Variants in PKNOX2 observed in about 807,000 individuals in gnomAD.
PKNOX2 encodes the protein PBX/knotted 1 homeobox 2, also known as homeobox protein PKNOX2.
A neutral mutation model predicts 53.1 loss-of-function variants in PKNOX2; 14 were observed. The ratio of observed to expected loss-of-function variants is 0.26; its 90% CI spans 0.17 to 0.41. PKNOX2 has a LOEUF of 0.41. Ranked by LOEUF, PKNOX2 falls within the 10% of genes least tolerant of loss-of-function variation. The probability of loss-of-function intolerance (pLI) is 1.00; values close to 1 mark genes in which losing one functional copy is unlikely to be tolerated. For missense variants in PKNOX2, 496 were observed against 602.8 expected, an observed-to-expected ratio of 0.82 and a Z score of 1.85; for synonymous variants, 257 against 242.8, an observed-to-expected ratio of 1.06 and a Z score of -0.54.
intron 2 of PKNOX2, among the ~76,000 whole-genome samples, chr11:125,300,964 G>A (rs545821640): frequency 3.3e-5 from 5 of 152,316 alleles, no homozygotes; most frequent in African/African-American, 7.2e-5. Flanking sequence ...AAGCTCTAGC[G>A]AGATTGCAGT....
intron 1 of PKNOX2, among the ~76,000 whole-genome samples, chr11:125,206,133 G>T (rs964374433): frequency 1.3e-5 from 2 of 151,962 alleles, no homozygotes; most frequent in African/African-American, 4.8e-5. Flanking sequence ...CTCTGCAGGC[G>T]CACAGACAAA....
rs778877733 is a variant in PKNOX2, at chr11:125,396,579, TTA to T, written c.400-1294_400-1293del. Among the ~76,000 whole-genome samples, 195 of 123,874 alleles carry T rather than the reference TTA, an allele frequency of 1.6e-3. 3 individuals carry two copies. Among genetic ancestry groups the T allele is most frequent in the African/African-American group, 3.6e-3 (100 of 27,714 alleles). The allele number at this position is 123,874 out of a possible 152,430, so 81.3% of individuals were successfully genotyped here. A position where few individuals can be genotyped will look rare whatever the true frequency, so the allele number is the denominator to read the frequency against. ...ATCCTAAAGAATAATGCAGAAACTT[TTA>T]AAAAAAAAAAAAAAAAGCTATAAGC... On this transcript the variant is annotated intron_variant, in intron 6 of 12. Transcript: ENST00000298282.
chr11:125,410,112 G>C (rs539581007), intron 7 of PKNOX2, 84 bp from the exon 8 acceptor site: 2 of 1,518,294 alleles, frequency 1.3e-6, no homozygotes, highest in South Asian at 2.6e-5. Flanking sequence ...AGGCAGGAAG[G>C]GGAAAGGACG....
chr11:125,198,312 T>A (rs986650584), intron 1 of PKNOX2, among the ~76,000 whole-genome samples: 8 of 152,142 alleles, frequency 5.3e-5, no homozygotes, highest in African/African-American at 1.9e-4. Context: ...GTTGCTCCCA[T>A]CCGCTTTTTG....
intron 2 of PKNOX2, among the ~76,000 whole-genome samples, chr11:125,299,019 T>C (rs905774225): frequency 2.6e-5 from 4 of 152,076 alleles, no homozygotes; most frequent in African/African-American, 9.7e-5. Flanking sequence ...CTGCAGGCTG[T>C]ACAAGCATGG....
chr11:125,328,630 A>G (rs1949973708), intron 2 of PKNOX2, among the ~76,000 whole-genome samples: 2 of 152,112 alleles, frequency 1.3e-5, no homozygotes, highest in South Asian at 4.1e-4. Context: ...GGCCCACCCC[A>G]CCACTCAGGG....
intron 4 of PKNOX2, among the ~76,000 whole-genome samples, chr11:125,353,290 A>G (rs1187883684): frequency 6.6e-6 from 1 of 152,162 alleles, no homozygotes; most frequent in African/African-American, 2.4e-5. Context: ...TGTTGGCATG[A>G]CTGATGGTGG....
intron 10 of PKNOX2, among the ~76,000 whole-genome samples, chr11:125,412,134 G>A (rs765330148): frequency 6.6e-6 from 1 of 152,248 alleles, no homozygotes; most frequent in Non-Finnish European, 1.5e-5. Flanking sequence ...GCATGCTCAA[G>A]AGTCAAGTGC....
At chr11:125,424,173 G>T (rs1450087692) in intron 10 of PKNOX2, among the ~76,000 whole-genome samples, 2 of 151,980 alleles carry the variant, frequency 1.3e-5, no homozygotes, top group Admixed American at 1.3e-4. Context: ...TTTTTGACCT[G>T]GGGGTGGTTA....
intron 2 of PKNOX2, among the ~76,000 whole-genome samples, chr11:125,327,659 G>A (rs1462352379): frequency 6.6e-6 from 1 of 152,172 alleles, no homozygotes; most frequent in East Asian, 1.9e-4. Flanking sequence ...CGGCCATCAG[G>A]GGTCTCCTCC....
intron 4 of PKNOX2, among the ~76,000 whole-genome samples, chr11:125,363,803 T>C (rs1339797252): frequency 2.0e-5 from 3 of 150,492 alleles, no homozygotes; most frequent in South Asian, 2.1e-4. Context: ...GGGGAAAAAC[T>C]GAAATTAGAG....
chr11:125,335,983 A>T (rs748425555), intron 3 of PKNOX2, among the ~76,000 whole-genome samples: 4 of 152,216 alleles, frequency 2.6e-5, no homozygotes, highest in Non-Finnish European at 5.9e-5. Flanking sequence ...TTATTATAAC[A>T]CAGTTAAATG....
chr11:125,406,892 C>T (rs1224042065), intron 7 of PKNOX2, among the ~76,000 whole-genome samples: 1 of 127,270 alleles, frequency 7.9e-6, no homozygotes, highest in Non-Finnish European at 1.6e-5. Context: ...AGGGTCTTGA[C>T]CCAGTGGCCC....
intron 2 of PKNOX2, among the ~76,000 whole-genome samples, chr11:125,297,193 A>G (rs1024019909): frequency 2.0e-5 from 3 of 152,272 alleles, no homozygotes; most frequent in Non-Finnish European, 4.4e-5. Context: ...CAGATGAGAA[A>G]ACTAATAAAT....
chr11:125,256,109 G>C (rs1449562409), intron 2 of PKNOX2, among the ~76,000 whole-genome samples: 1 of 152,006 alleles, frequency 6.6e-6, no homozygotes, highest in Non-Finnish European at 1.5e-5. Flanking sequence ...TGGACTCCAG[G>C]CTGAAACGTC....
In PKNOX2 at chr11:125,301,994, G is replaced by A. The variant is rs528648175; in HGVS notation, c.-129-29825G>A. ...CCCAGTGTGTGTTAGCGAGAGCATC[G>A]CTGCAAGGAGTTCAGGGCCAGTGCT... On this transcript the variant is annotated intron_variant, in intron 2 of 12. Coordinates refer to ENST00000298282, the MANE Select transcript of PKNOX2 (RefSeq NM_001382323.2). 1.1e-4 allele frequency among the ~76,000 whole-genome samples: 16 copies of A among 152,340 alleles called. 1 individual carries two copies. The South Asian group carries it at 2.5e-3, about 24-fold the overall frequency.
chr11:125,214,846 G>A (rs4935911), intron 1 of PKNOX2, among the ~76,000 whole-genome samples: 18,882 of 151,924 alleles, frequency 0.12, 1,508 homozygotes, highest in Non-Finnish European at 0.16. Context: ...TGTCCACTCC[G>A]AGAACCCCTC....
intron 1 of PKNOX2, among the ~76,000 whole-genome samples, chr11:125,213,803 G>A (rs1021694375): frequency 7.9e-5 from 12 of 152,046 alleles, no homozygotes; most frequent in Non-Finnish European, 1.8e-4. Flanking sequence ...CAAATTCTAC[G>A]GCAATTCTGG....
intron 3 of PKNOX2, among the ~76,000 whole-genome samples, chr11:125,349,418 G>A (rs571608865): frequency 1.3e-4 from 20 of 152,302 alleles, no homozygotes; most frequent in South Asian, 1.2e-3. Context: ...AGGGACCAGC[G>A]GTGTGTGAGA....
Sources: gnomAD v4.1 joint callset for allele counts (sites outside exome capture counted in the v4.1 genomes callset) on GRCh38, gnomAD v4.1.1 for gene constraint, MANE v1.5 for transcripts, NCBI Gene and HGNC (gene_info 2026-07-23, HGNC 2026-07-21) for gene names.